Variants in GRIP1 observed in about 807,000 individuals in gnomAD.
GRIP1 encodes the protein glutamate receptor interacting protein 1.
A neutral mutation model predicts 129.9 loss-of-function variants in GRIP1; 45 were observed. The observed-to-expected ratio is 0.35, with a 90% confidence interval of 0.27 to 0.44. The LOEUF (loss-of-function observed/expected upper bound fraction) is 0.44. GRIP1 is among the 20% of genes least tolerant of loss of function. The pLI is 1.00. For missense variants in GRIP1, 1,196 were observed against 1,396.8 expected (o/e 0.86, Z 2.29); for synonymous variants, 530 against 520.8 (o/e 1.02, Z -0.24).
At chr12:66,522,402 G>A (rs1040283520) in intron 5 of GRIP1, among the ~76,000 whole-genome samples, 2 of 152,196 alleles carry the variant, frequency 1.3e-5, no homozygotes, top group Non-Finnish European at 2.9e-5. Context: ...TGCGGCCACC[G>A]CTGCTGATAC....
chr12:66,654,440 A>G (rs1345995966), intron 1 of GRIP1, among the ~76,000 whole-genome samples: 2 of 152,268 alleles, frequency 1.3e-5, no homozygotes, highest in South Asian at 2.1e-4. Context: ...AAAATGAAAC[A>G]CCATACGCAA....
chr12:66,907,808 C>T (rs945445683), intron 1 of GRIP1, among the ~76,000 whole-genome samples: 1 of 152,050 alleles, frequency 6.6e-6, no homozygotes, highest in South Asian at 2.1e-4. Flanking sequence ...GAAAGAGATT[C>T]CTACATCAAT....
chr12:66,627,442 G>C (rs535129520), intron 1 of GRIP1, among the ~76,000 whole-genome samples: 1 of 152,318 alleles, frequency 6.6e-6, no homozygotes, highest in African/African-American at 2.4e-5. Flanking sequence ...TATTTTCCAT[G>C]TGTCAAGTAT....
At chr12:66,990,333 C>T (rs916842470) in intron 1 of GRIP1, among the ~76,000 whole-genome samples, 3 of 152,064 alleles carry the variant, frequency 2.0e-5, no homozygotes, top group African/African-American at 7.3e-5. Flanking sequence ...TTCATTTATC[C>T]AGTTATTCAA....
intron 7 of GRIP1, among the ~76,000 whole-genome samples, chr12:66,473,714 A>T (rs1253829657): frequency 2.0e-5 from 3 of 152,146 alleles, no homozygotes; most frequent in Non-Finnish European, 4.4e-5. Context: ...CATCCAGCAA[A>T]CTCTAGCAGA....
chr12:66,626,340 C>A (rs115451174), intron 1 of GRIP1, among the ~76,000 whole-genome samples: 33 of 141,154 alleles, frequency 2.3e-4, no homozygotes, highest in African/African-American at 2.4e-4. Context: ...ACCCCATCTC[C>A]AAAAAAAAAA....
Position 66,498,100 on chromosome 12 carries a change from T to G in GRIP1, c.724+17519A>C, listed in dbSNP as rs572453513. 5.4e-3 allele frequency among the ~76,000 whole-genome samples: 829 copies of G among 152,142 alleles called. 7 individuals are homozygous for G. The highest frequency in any genetic ancestry group is 0.019 in the African/African-American group (792 of 41,410). Reference sequence around the variant, plus strand: ...TTTACCTACCCAAATCCTATAAAACTGCCCCACCCTTATCTCCCTTCGCTG... The same window carrying G: ...TTTACCTACCCAAATCCTATAAAACGGCCCCACCCTTATCTCCCTTCGCTG... On this transcript the variant is annotated intron_variant, in intron 7 of 24. Transcript: ENST00000359742.
chr12:66,604,604 C>T (rs1032265917), intron 1 of GRIP1, among the ~76,000 whole-genome samples: 2 of 152,162 alleles, frequency 1.3e-5, no homozygotes, highest in Non-Finnish European at 2.9e-5. Context: ...TGCTTTAAAG[C>T]TTTGGTTTAG....
At chr12:66,958,395 G>C (rs540946676) in intron 1 of GRIP1, among the ~76,000 whole-genome samples, 7 of 152,248 alleles carry the variant, frequency 4.6e-5, no homozygotes, top group African/African-American at 1.7e-4. Context: ...GCCTCCCTAA[G>C]TGCTGGCATT....
At chr12:66,767,608 T>G (rs1002626815) in intron 1 of GRIP1, among the ~76,000 whole-genome samples, 1 of 150,450 alleles carries the variant, frequency 6.6e-6, no homozygotes, top group Non-Finnish European at 1.5e-5. Flanking sequence ...TATAACTGAC[T>G]TTTGACGGTA....
At chr12:66,462,578 C>G (rs947107389) in intron 9 of GRIP1, among the ~76,000 whole-genome samples, 1 of 151,974 alleles carries the variant, frequency 6.6e-6, no homozygotes, top group Non-Finnish European at 1.5e-5. Flanking sequence ...AGTAAACAAA[C>G]ATAACCTTGT....
chr12:66,498,183 C>A (rs576223641), intron 7 of GRIP1, among the ~76,000 whole-genome samples: 8 of 152,298 alleles, frequency 5.3e-5, no homozygotes, highest in African/African-American at 1.9e-4. Flanking sequence ...CCATGTTGCT[C>A]ACACAAAGCC....
In GRIP1 at chr12:66,970,819, TC is replaced by T. The variant is rs539049110; in HGVS notation, c.58+98230del. On this transcript the variant is annotated intron_variant, in intron 1 of 1. Transcript: ENST00000643019. ...CCTCCTTCCTTAGTTGACACAGGAA[TC>T]TAGAGGTGCCTCGAGTCAGAGAACT... Among the ~76,000 whole-genome samples, 4 of 152,186 alleles carry T rather than the reference TC, an allele frequency of 2.6e-5. No individual in the cohort carries two copies. In the South Asian group the frequency reaches 8.3e-4, roughly 31 times the overall value.
intron 1 of GRIP1, among the ~76,000 whole-genome samples, chr12:67,067,807 T>C (rs922697146): frequency 6.6e-6 from 1 of 152,136 alleles, no homozygotes; most frequent in Non-Finnish European, 1.5e-5. Context: ...AACTGCTGCA[T>C]TAAGCCCCCT....
At chr12:66,592,121 G>C (rs1012027401) in intron 2 of GRIP1, among the ~76,000 whole-genome samples, 2 of 152,152 alleles carry the variant, frequency 1.3e-5, no homozygotes, top group African/African-American at 2.4e-5. Context: ...ATTTGGAACA[G>C]AGAGGGCAGA....
chr12:66,873,171 A>G (rs998731207), intron 1 of GRIP1, among the ~76,000 whole-genome samples: 2 of 152,000 alleles, frequency 1.3e-5, no homozygotes, highest in Admixed American at 6.6e-5. Flanking sequence ...AAGAAGGGGG[A>G]AGACACATTA....
chr12:66,737,597 T>G (rs2136536461), intron 1 of GRIP1, among the ~76,000 whole-genome samples: 1 of 152,302 alleles, frequency 6.6e-6, no homozygotes, highest in South Asian at 2.1e-4. Flanking sequence ...CATTACTCCT[T>G]ATCTCTCCAG....
chr12:66,484,667 G>A (rs1425848740), intron 7 of GRIP1, among the ~76,000 whole-genome samples: 1 of 152,122 alleles, frequency 6.6e-6, no homozygotes, highest in Non-Finnish European at 1.5e-5. Flanking sequence ...GGTTACCAGA[G>A]GTTGGAAAGG....
At chr12:66,698,924 T>C (rs915209298) in intron 1 of GRIP1, among the ~76,000 whole-genome samples, 5 of 152,196 alleles carry the variant, frequency 3.3e-5, no homozygotes, top group African/African-American at 4.8e-5. Context: ...AACAGCAGCC[T>C]CTACCCTTGC....
Sources: gnomAD v4.1 joint callset for allele counts (sites outside exome capture counted in the v4.1 genomes callset) on GRCh38, gnomAD v4.1.1 for gene constraint, MANE v1.5 for transcripts, NCBI Gene and HGNC (gene_info 2026-07-23, HGNC 2026-07-21) for gene names.